Variants in SEMA3G observed in about 807,000 individuals in gnomAD.
SEMA3G encodes semaphorin-3G.
A neutral mutation model predicts 86.2 loss-of-function variants in SEMA3G; 70 were observed. The ratio of observed to expected loss-of-function variants is 0.81; its 90% CI spans 0.67 to 0.99. The LOEUF (loss-of-function observed/expected upper bound fraction) is 0.99. SEMA3G is among the 50% of genes least tolerant of loss of function. SEMA3G has a pLI of 0.00. For synonymous variants in SEMA3G, 416 were observed against 441.4 expected, an observed-to-expected ratio of 0.94 and a Z score of 0.72; for missense variants, 1,002 against 1,072.4, an observed-to-expected ratio of 0.93 and a Z score of 0.92.
chr3:52,440,233 C>A, intron 10 of SEMA3G, 135 bp from the exon 11 acceptor site: 1 of 1,100,496 alleles, frequency 9.1e-7, no homozygotes. Context: ...ACACCCACCC[C>A]ACCCCACCCA....
intron 12 of SEMA3G, among the ~76,000 whole-genome samples, chr3:52,439,167 G>A (rs1452150775): frequency 6.6e-6 from 1 of 152,164 alleles, no homozygotes; most frequent in African/African-American, 2.4e-5. Context: ...CTCCAAGCAG[G>A]AGGCTTGACT....
In SEMA3G at chr3:52,433,524, C is replaced by T. The variant is rs1015709063; in HGVS notation, c.*2079G>A. The T allele has an allele frequency of 6.6e-6, 1 of 152,604 alleles. No homozygotes were observed. The highest frequency in any genetic ancestry group is 6.5e-5 in the Admixed American group (1 of 15,280). The allele number at this position is 152,604 out of a possible 1,614,324, so 9.5% of individuals were successfully genotyped here. ...ACAACTCGCATTTACGGGGCGTTTCCAGGAGTTAATAGCATACAGTACCAT... is the reference window on the plus strand; with the variant it reads ...ACAACTCGCATTTACGGGGCGTTTCTAGGAGTTAATAGCATACAGTACCAT... On this transcript the variant is annotated 3_prime_UTR_variant, in exon 16 of 16. Coordinates refer to ENST00000231721, the MANE Select transcript of SEMA3G (RefSeq NM_020163.3).
Position 52,442,900 on chromosome 3 carries a change from C to T in SEMA3G, c.123G>A (p.Leu41=). Residue 41 remains leucine (L), a synonymous_variant, in exon 2 of 16, where the codon CTG becomes CTA. Coordinates refer to ENST00000231721, the MANE Select transcript of SEMA3G (RefSeq NM_020163.3). This position sits in a 1 kb window ranked among gnomAD's most constrained non-coding sequence, Gnocchi z 6.1. ...GAAAGATGGCAGAGCGGTTGGCAGA[C>T]AGGAGGTCTAGGAGGATGTATGGGG... The part of the protein sequence containing the change: ...PRLRLSYRDL[L]SANRSAIFLG... 1 of 1,594,382 alleles carries T rather than the reference C, an allele frequency of 6.3e-7. No homozygotes were observed. Among genetic ancestry groups the T allele is most frequent in the Non-Finnish European group, 8.5e-7 (1 of 1,170,316 alleles).
rs1706155172 is a variant in SEMA3G, at chr3:52,441,561, G to C, written c.667+13C>G. Reference sequence around the variant, plus strand: ...GCCTCTTCACCCCTGCCAGTTCCAGGGGCAGGCCTCACCGTGCAAGAGACT... The same window carrying C: ...GCCTCTTCACCCCTGCCAGTTCCAGCGGCAGGCCTCACCGTGCAAGAGACT... On this transcript the variant is annotated intron_variant, in intron 6 of 15. Transcript: ENST00000231721. 2.5e-6 allele frequency: 4 copies of C among 1,607,130 alleles called. No individual in the cohort carries two copies. The highest frequency in any genetic ancestry group is 2.7e-5 in the African/African-American group (2 of 74,780).
At position 52,442,063 on chromosome 3, in the gene SEMA3G, C is replaced by T. The variant is rs976320298; in HGVS notation, c.459+122G>A. On this transcript the variant is annotated intron_variant, in intron 4 of 15. Transcript: ENST00000231721. This position sits in a 1 kb window ranked among gnomAD's most constrained non-coding sequence, Gnocchi z 6.1. The stretch of plus-strand genomic sequence containing the variant: ...CCCTCTAATGGGGTCAGCTCCCCAA[C>T]ACAAAGGCGCCTTTCAGGCCCCTGC... The T allele has an allele frequency of 7.7e-6, 11 of 1,421,626 alleles. No individual in the cohort carries two copies. The highest frequency in any genetic ancestry group is 5.7e-5 in the African/African-American group (4 of 70,324). The allele number at this position is 1,421,626 out of a possible 1,614,324, so 88.1% of individuals were successfully genotyped here. A position where few individuals can be genotyped will look rare whatever the true frequency, so the allele number is the denominator to read the frequency against.
chr3:52,437,418 C>T, intron 15 of SEMA3G, 109 bp downstream of exon 15: 5 of 1,247,184 alleles, frequency 4.0e-6, no homozygotes, highest in Admixed American at 2.3e-5. Context: ...TTAGGTTAAT[C>T]TTGGCAGATT....
chr3:52,437,140 T>C (rs1355346349), intron 15 of SEMA3G, among the ~76,000 whole-genome samples: 1 of 152,104 alleles, frequency 6.6e-6, no homozygotes, highest in East Asian at 1.9e-4. Flanking sequence ...AGGGAGGTTC[T>C]GAAGCCTAGT....
chr3:52,443,521 C>T (rs187128901), intron 1 of SEMA3G, among the ~76,000 whole-genome samples: 1 of 152,248 alleles, frequency 6.6e-6, no homozygotes, highest in African/African-American at 2.4e-5. Flanking sequence ...GTTGAGGATC[C>T]TGAGGTAGGT....
chr3:52,437,677 G>A lies in SEMA3G; in HGVS notation c.1739-11C>T, dbSNP rs756154309. On this transcript the variant is annotated splice_polypyrimidine_tract_variant and intron_variant, in intron 14 of 15. Transcript: ENST00000231721. ...GTCCCACTGCCTCTTCTGGAGAGAGGCAGAGGTTGGCTCAGCTTGGGAACT... is the reference window on the plus strand; with the variant it reads ...GTCCCACTGCCTCTTCTGGAGAGAGACAGAGGTTGGCTCAGCTTGGGAACT... The A allele has an allele frequency of 1.1e-5, 17 of 1,605,604 alleles. 1 individual carries two copies. The highest frequency in any genetic ancestry group is 1.4e-5 in the Non-Finnish European group (17 of 1,174,282).
At chr3:52,437,890 G>C (rs113713231) in intron 14 of SEMA3G, 81 bp downstream of exon 14, 4 of 1,315,844 alleles carry the variant, frequency 3.0e-6, no homozygotes, top group Non-Finnish European at 2.1e-6. Flanking sequence ...ACCAATCTGA[G>C]AATGCACTTC....
chr3:52,437,716 C>T (rs1331976239), intron 14 of SEMA3G, 50 bp from the exon 15 acceptor site: 13 of 1,576,792 alleles, frequency 8.2e-6, no homozygotes, highest in Non-Finnish European at 1.0e-5. Context: ...GGACCCAGAT[C>T]CCAGTGCCAC....
chr3:52,435,660 C>A lies in SEMA3G; in HGVS notation c.2292G>T (p.Met764Ile). Residue 764 changes from methionine to isoleucine, a missense_variant, in exon 16 of 16, where the codon ATG becomes ATT. Physicochemically the swap from Met to Ile is conservative, Grantham distance 10. Coordinates refer to ENST00000231721, the MANE Select transcript of SEMA3G (RefSeq NM_020163.3). ...TGTGCTCGGCATGCACCCGGCTCTTCATCTTCTTGCCTAGCTCCAGCCCTG... is the reference window on the plus strand; with the variant it reads ...TGTGCTCGGCATGCACCCGGCTCTTAATCTTCTTGCCTAGCTCCAGCCCTG... ...SWAGLELGKK[M>I]KSRVHAEHNR... 6.2e-7 allele frequency: 1 copy of A among 1,614,080 alleles called. No individual in the cohort carries two copies. The highest frequency in any genetic ancestry group is 1.1e-5 in the South Asian group (1 of 91,070).
In SEMA3G at chr3:52,442,506, G is replaced by A; in HGVS notation, c.339+53C>T. On this transcript the variant is annotated intron_variant, in intron 3 of 15. Transcript: ENST00000231721. This position sits in a 1 kb window ranked among gnomAD's most constrained non-coding sequence, Gnocchi z 6.1. Reference sequence around the variant, plus strand: ...TGGGGCGTGGTCACGGATTGTCCTGGGGGTCAGGGCAGGGTGTCAGGTCGG... The same window carrying A: ...TGGGGCGTGGTCACGGATTGTCCTGAGGGTCAGGGCAGGGTGTCAGGTCGG... The A allele has an allele frequency of 1.3e-6, 2 of 1,594,714 alleles. No homozygotes were observed. The highest frequency in any genetic ancestry group is 2.2e-5 in the East Asian group (1 of 44,768).
In SEMA3G at chr3:52,434,626, C is replaced by A. The variant is rs1000261205; in HGVS notation, c.*977G>T. On this transcript the variant is annotated 3_prime_UTR_variant, in exon 16 of 16. Transcript: ENST00000231721. This position sits in a 1 kb window ranked among gnomAD's most constrained non-coding sequence, Gnocchi z 5.2. Reference sequence around the variant, plus strand: ...TCCCTGGCCCTGATTCTGAGGGCTGCAGGGCTCACAGAGCCTCCACATTCC... The same window carrying A: ...TCCCTGGCCCTGATTCTGAGGGCTGAAGGGCTCACAGAGCCTCCACATTCC... 6.6e-6 allele frequency: 1 copy of A among 152,246 alleles called. No homozygotes were observed. The highest frequency in any genetic ancestry group is 1.5e-5 in the Non-Finnish European group (1 of 68,074). 9.4% of individuals were successfully genotyped at this position (152,246 alleles called of 1,614,324 possible).
chr3:52,435,577 C>A lies in SEMA3G; in HGVS notation c.*26G>T, dbSNP rs1485332495. ...GCTGCTAGTGGGCCCCCCAGCCCAT[C>A]CTGACCACCCCTCCTCTGCCCCCTT... On this transcript the variant is annotated 3_prime_UTR_variant, in exon 16 of 16. Transcript: ENST00000231721. 2 of 1,589,322 alleles carry A rather than the reference C, an allele frequency of 1.3e-6. No homozygotes were observed. Among genetic ancestry groups the A allele is most frequent in the Non-Finnish European group, 1.7e-6 (2 of 1,166,018 alleles).
chr3:52,442,532 G>C lies in SEMA3G; in HGVS notation c.339+27C>G, dbSNP rs965978286. 1.2e-6 allele frequency: 2 copies of C among 1,613,064 alleles called. No individual in the cohort carries two copies. Among genetic ancestry groups the C allele is most frequent in the Admixed American group, 1.7e-5 (1 of 59,984 alleles). ...GGGTCAGGGCAGGGTGTCAGGTCGG[G>C]GGACCATCCCTCCCGACAGCACTCA... On this transcript the variant is annotated intron_variant, in intron 3 of 15. Transcript: ENST00000231721. The surrounding 1 kb of genome is among the most constrained non-coding windows in gnomAD (Gnocchi z 6.1).
At position 52,442,543 on chromosome 3, in the gene SEMA3G, T is replaced by A; in HGVS notation, c.339+16A>T. ...GGGTGTCAGGTCGGGGGACCATCCC[T>A]CCCGACAGCACTCACCAAAGGATCT... is the stretch of plus-strand genomic sequence containing the variant. On this transcript the variant is annotated intron_variant, in intron 3 of 15. Coordinates refer to ENST00000231721, the MANE Select transcript of SEMA3G (RefSeq NM_020163.3). This position sits in a 1 kb window ranked among gnomAD's most constrained non-coding sequence, Gnocchi z 6.1. 6.2e-7 allele frequency: 1 copy of A among 1,613,314 alleles called. No individual in the cohort carries two copies. Among genetic ancestry groups the A allele is most frequent in the Non-Finnish European group, 8.5e-7 (1 of 1,179,394 alleles).
Position 52,435,475 on chromosome 3 carries a change from C to A in SEMA3G, c.*128G>T. ...TTAGACCCCAGTAGCGGTGTGGGGG[C>A]AGAGACACCTGTCTCTAAGAGGCAA... On this transcript the variant is annotated 3_prime_UTR_variant, in exon 16 of 16. Coordinates refer to ENST00000231721, the MANE Select transcript of SEMA3G (RefSeq NM_020163.3). The A allele has an allele frequency of 1.2e-6, 1 of 861,852 alleles. No homozygotes were observed. The allele number at this position is 861,852 out of a possible 1,614,324, so 53.4% of individuals were successfully genotyped here.
chr3:52,436,061 C>T lies in SEMA3G; in HGVS notation c.1891G>A (p.Glu631Lys), dbSNP rs1293896144. The T allele has an allele frequency of 1.9e-6, 3 of 1,608,244 alleles. No homozygotes were observed. The highest frequency in any genetic ancestry group is 1.7e-5 in the Admixed American group (1 of 59,864). Residue 631 changes from glutamate to lysine, a missense_variant, in exon 16 of 16, where the codon GAG (glutamate) becomes AAG (lysine). Coordinates refer to ENST00000231721, the MANE Select transcript of SEMA3G (RefSeq NM_020163.3). ...DEGPDQVKTD[E>K]RVLHTERGLL... is the part of the protein sequence containing the mutation. ...CCCCGCTCCGTGTGCAAGACTCGCT[C>T]GTCCGTCTTCACCTGCCATGCGGGC... is the stretch of plus-strand genomic sequence containing the variant.
Sources: gnomAD v4.1 joint callset for allele counts (sites outside exome capture counted in the v4.1 genomes callset) on GRCh38, gnomAD v4.1.1 for gene constraint, Gnocchi (gnomAD v3.1) non-coding constraint, MANE v1.5 for transcripts, NCBI Gene and HGNC (gene_info 2026-07-23, HGNC 2026-07-21) for gene names.